Variants in MATCAP2 observed in about 807,000 individuals in gnomAD.
MATCAP2 encodes the protein microtubule associated tyrosine carboxypeptidase 2, also known as putative tyrosine carboxypeptidase MATCAP2.
At chr7:36,336,004 G>A in the MATCAP2 span, 27 of 426,780 alleles carry the variant, frequency 6.3e-5, no homozygotes, top group South Asian at 8.1e-5. Flanking sequence ...CCCAGGAGGC[G>A]GAGGTTGCAG....
chr7:36,345,826 G>A, the MATCAP2 span, among the ~76,000 whole-genome samples: 1 of 151,984 alleles, frequency 6.6e-6, no homozygotes, highest in Non-Finnish European at 1.5e-5. Context: ...GACACCAAAA[G>A]CACAAACAAC....
the MATCAP2 span, among the ~76,000 whole-genome samples, chr7:36,339,752 T>C: frequency 6.6e-6 from 1 of 152,164 alleles, no homozygotes; most frequent in African/African-American, 2.4e-5. Context: ...AGAAGAGAAG[T>C]GGTACCTTGT....
the MATCAP2 span, among the ~76,000 whole-genome samples, chr7:36,373,677 C>T: frequency 1.3e-5 from 2 of 152,020 alleles, no homozygotes; most frequent in Non-Finnish European, 2.9e-5. Flanking sequence ...GACTCTTGGC[C>T]TCAAGCAGTC....
the MATCAP2 span, among the ~76,000 whole-genome samples, chr7:36,376,169 T>A: frequency 6.6e-6 from 1 of 152,244 alleles, no homozygotes; most frequent in Non-Finnish European, 1.5e-5. Flanking sequence ...TCTAGTTCTT[T>A]AAATTGTGAA....
the MATCAP2 span, chr7:36,357,395 T>C: frequency 3.0e-5 from 48 of 1,614,068 alleles, no homozygotes; most frequent in Non-Finnish European, 4.0e-5. Flanking sequence ...GGAGGAAGAC[T>C]GTTTTTGTGA....
At chr7:36,355,641 A>G in the MATCAP2 span, 1 of 152,258 alleles carries the variant, frequency 6.6e-6, no homozygotes, top group Admixed American at 6.5e-5. Flanking sequence ...TATAATAAAC[A>G]GCAAAATATC....
At chr7:36,325,022 C>T in the MATCAP2 span, 2 of 152,152 alleles carry the variant, frequency 1.3e-5, no homozygotes, top group Non-Finnish European at 1.5e-5. Flanking sequence ...ATAAATATTG[C>T]CATTTCTGTT....
chr7:36,333,897 C>T, the MATCAP2 span: 1 of 1,614,034 alleles, frequency 6.2e-7, no homozygotes, highest in South Asian at 1.1e-5. Context: ...GGCCCGTACA[C>T]AATAATCCCA....
At chr7:36,362,012 TAGG>T in the MATCAP2 span, among the ~76,000 whole-genome samples, 1 of 152,180 alleles carries the variant, frequency 6.6e-6, no homozygotes, top group Admixed American at 6.5e-5. Flanking sequence ...AATCACAATC[TAGG>T]AGGATACCAG....
chr7:36,365,557 G>A, the MATCAP2 span, among the ~76,000 whole-genome samples: 3 of 152,120 alleles, frequency 2.0e-5, no homozygotes, highest in African/African-American at 4.8e-5. Flanking sequence ...AAAATCCGGC[G>A]GGCGTGGTAG....
chr7:36,343,017 G>T, the MATCAP2 span, among the ~76,000 whole-genome samples: 1,023 of 152,156 alleles, frequency 6.7e-3, 9 homozygotes, highest in African/African-American at 0.023. Flanking sequence ...AAACTTAAAT[G>T]AAGAACATAC....
chr7:36,340,398 T>C, the MATCAP2 span, among the ~76,000 whole-genome samples: 3 of 152,168 alleles, frequency 2.0e-5, no homozygotes, highest in Non-Finnish European at 4.4e-5. Flanking sequence ...TTTTTGTTTG[T>C]TTCTTTGCTG....
the MATCAP2 span, chr7:36,356,663 A>G: frequency 1.7e-6 from 1 of 584,410 alleles, no homozygotes; most frequent in Admixed American, 3.0e-5. Context: ...TGTCTTCCTA[A>G]TATAATTGCT....
the MATCAP2 span, among the ~76,000 whole-genome samples, chr7:36,370,982 C>G: frequency 1.3e-5 from 2 of 152,108 alleles, no homozygotes; most frequent in Non-Finnish European, 2.9e-5. Context: ...TAATGAATAT[C>G]TGTAAGGATG....
At chr7:36,388,605 T>C in the MATCAP2 span, among the ~76,000 whole-genome samples, 35 of 152,344 alleles carry the variant, frequency 2.3e-4, no homozygotes, top group African/African-American at 7.7e-4. Context: ...TGCACAGACT[T>C]GTTATAGAAG....
the MATCAP2 span, chr7:36,367,316 C>T: frequency 9.9e-7 from 1 of 1,009,826 alleles, no homozygotes; most frequent in South Asian, 4.6e-5. Flanking sequence ...CGAAGGCCCG[C>T]GGGCGGCGAG....
At chr7:36,336,157 C>A in the MATCAP2 span, 2 of 1,535,034 alleles carry the variant, frequency 1.3e-6, no homozygotes, top group Non-Finnish European at 1.7e-6. Flanking sequence ...TTCATACCTC[C>A]CCTAGGCAGC....
the MATCAP2 span, among the ~76,000 whole-genome samples, chr7:36,378,641 C>T: frequency 6.6e-6 from 1 of 152,244 alleles, no homozygotes; most frequent in Non-Finnish European, 1.5e-5. Flanking sequence ...AGCTGTCAGA[C>T]AGGGATGTTT....
At chr7:36,346,424 T>G in the MATCAP2 span, among the ~76,000 whole-genome samples, 21 of 152,344 alleles carry the variant, frequency 1.4e-4, no homozygotes, top group African/African-American at 4.8e-4. Context: ...AGTATATTCA[T>G]ACATGGAATA....
Sources: allele counts gnomAD v4.1 joint callset (sites outside exome capture counted in the v4.1 genomes callset), GRCh38; gene constraint gnomAD v4.1.1; transcripts MANE v1.5; gene names NCBI Gene and HGNC (gene_info 2026-07-23, HGNC 2026-07-21).